Variants in GNA11 observed in about 807,000 individuals in gnomAD.
The protein encoded by GNA11 is G protein subunit alpha 11.
A neutral mutation model predicts 38.2 loss-of-function variants in GNA11; 8 were observed. The observed-to-expected ratio is 0.21, with a 90% confidence interval of 0.12 to 0.38. The LOEUF (loss-of-function observed/expected upper bound fraction) is 0.38. Ranked by LOEUF, GNA11 falls within the 10% of genes least tolerant of loss-of-function variation. The probability of loss-of-function intolerance (pLI) is 1.00; values close to 1 mark genes in which losing one functional copy is unlikely to be tolerated. For synonymous variants in GNA11, 211 were observed against 221.4 expected, an observed-to-expected ratio of 0.95 and a Z score of 0.42; for missense variants, 268 against 516.3, an observed-to-expected ratio of 0.52 and a Z score of 4.66.
chr19:3,111,564 C>T (rs188287176), intron 2 of GNA11, among the ~76,000 whole-genome samples: 1 of 152,100 alleles, frequency 6.6e-6, no homozygotes, highest in Non-Finnish European at 1.5e-5. Flanking sequence ...CCATTTATCC[C>T]CTGGAGGACA....
At chr19:3,097,759 A>T (rs1913409000) in intron 1 of GNA11, among the ~76,000 whole-genome samples, 1 of 152,104 alleles carries the variant, frequency 6.6e-6, no homozygotes, top group South Asian at 2.1e-4. Flanking sequence ...TTCACGCCTC[A>T]GATGGGCCTC....
Position 3,121,048 on chromosome 19 carries a change from A to C in GNA11, c.949A>C (p.Asn317His). The change falls in exon 7 of 7, where the codon AAC becomes CAC. Residue 317 changes from asparagine (N) to histidine (H), a missense_variant. Physicochemically the swap from Asn to His is moderately conservative, Grantham distance 68 (BLOSUM62 1). Coordinates refer to ENST00000078429, the MANE Select transcript of GNA11 (RefSeq NM_002067.5). ...EFILKMFVDL[N>H]PDSDKIIYSH... ...CATCCTGAAGATGTTCGTGGACCTG[A>C]ACCCCGACAGCGACAAGATCATCTA... 1 of 1,613,748 alleles carries C rather than the reference A, an allele frequency of 6.2e-7. No homozygotes were observed. Among genetic ancestry groups the C allele is most frequent in the Non-Finnish European group, 8.5e-7 (1 of 1,179,848 alleles).
chr19:3,101,303 G>T (rs1913498618), intron 1 of GNA11, among the ~76,000 whole-genome samples: 1 of 152,168 alleles, frequency 6.6e-6, no homozygotes, highest in South Asian at 2.1e-4. Flanking sequence ...TCTGTTGCCT[G>T]TCTTAATCCC....
chr19:3,096,707 AC>A (rs138095276), intron 1 of GNA11, among the ~76,000 whole-genome samples: 1 of 150,532 alleles, frequency 6.6e-6, no homozygotes, highest in Non-Finnish European at 1.5e-5. Flanking sequence ...CTGCAGTCCC[AC>A]CCCCTCCCAC....
intron 1 of GNA11, among the ~76,000 whole-genome samples, chr19:3,103,012 G>A (rs1402284868): frequency 1.3e-5 from 2 of 152,088 alleles, no homozygotes; most frequent in African/African-American, 2.4e-5. Context: ...TGGCCTCCCC[G>A]CAGCCTGGTG....
At chr19:3,114,708 T>A (rs1464257740) in intron 3 of GNA11, among the ~76,000 whole-genome samples, 1 of 152,076 alleles carries the variant, frequency 6.6e-6, no homozygotes, top group Non-Finnish European at 1.5e-5. Flanking sequence ...TTGTGCTGGG[T>A]CATTTCTGTC....
chr19:3,099,446 G>C (rs1157292012), intron 1 of GNA11, among the ~76,000 whole-genome samples: 1 of 152,172 alleles, frequency 6.6e-6, no homozygotes, highest in Non-Finnish European at 1.5e-5. Flanking sequence ...AAGTCCTTTC[G>C]CAGAACCGGG....
At chr19:3,114,638 C>T (rs1458778734) in intron 3 of GNA11, among the ~76,000 whole-genome samples, 10 of 152,196 alleles carry the variant, frequency 6.6e-5, no homozygotes, top group African/African-American at 2.4e-4. Flanking sequence ...GTGGCCGTCT[C>T]TGGACAGCTC....
intron 1 of GNA11, among the ~76,000 whole-genome samples, chr19:3,104,829 G>C (rs1385603115): frequency 1.3e-5 from 2 of 152,230 alleles, no homozygotes; most frequent in African/African-American, 4.8e-5. Context: ...CCTGTGCTGT[G>C]GGGGTGCTGG....
Position 3,121,681 on chromosome 19 carries a change from G to A in GNA11, c.*502G>A, listed in dbSNP as rs919088842. 6 of 232,680 alleles carry A rather than the reference G, an allele frequency of 2.6e-5. No homozygotes were observed. The highest frequency in any genetic ancestry group is 3.4e-5 in the Non-Finnish European group (4 of 117,874). The allele number at this position is 232,680 out of a possible 1,614,324, so 14.4% of individuals were successfully genotyped here. A position where few individuals can be genotyped will look rare whatever the true frequency, so the allele number is the denominator to read the frequency against. ...GCTTCTTTTCTTCATCACAAAAGGC[G>A]TGGAGACTCGGAGACGGACGTTTTT... On this transcript the variant is annotated 3_prime_UTR_variant, in exon 7 of 7. Coordinates refer to ENST00000078429, the MANE Select transcript of GNA11 (RefSeq NM_002067.5).
chr19:3,098,650 A>G (rs1913430435), intron 1 of GNA11, among the ~76,000 whole-genome samples: 1 of 152,186 alleles, frequency 6.6e-6, no homozygotes, highest in Non-Finnish European at 1.5e-5. Context: ...GGGCAGTGAC[A>G]AGGCCCGGGA....
chr19:3,121,231 C>T lies in GNA11; in HGVS notation c.*52C>T. On this transcript the variant is annotated 3_prime_UTR_variant, in exon 7 of 7. Coordinates refer to ENST00000078429, the MANE Select transcript of GNA11 (RefSeq NM_002067.5). Reference sequence around the variant, plus strand: ...GAGACACGGGGCAGGACCTTCCTTCCACGGAGCCTGCGGCTGCCGGGCGGG... The same window carrying T: ...GAGACACGGGGCAGGACCTTCCTTCTACGGAGCCTGCGGCTGCCGGGCGGG... 4 of 1,449,246 alleles carry T rather than the reference C, an allele frequency of 2.8e-6. No homozygotes were observed. The highest frequency in any genetic ancestry group is 3.8e-6 in the Non-Finnish European group (4 of 1,049,126). 89.8% of individuals were successfully genotyped at this position (1,449,246 alleles called of 1,614,324 possible). A position where few individuals can be genotyped will look rare whatever the true frequency, so the allele number is the denominator to read the frequency against.
In GNA11 at chr19:3,123,197, G is replaced by C. The variant is rs1474242958; in HGVS notation, c.*2018G>C. 4.3e-6 allele frequency: 1 copy of C among 233,260 alleles called. No homozygotes were observed. The highest frequency in any genetic ancestry group is 8.5e-6 in the Non-Finnish European group (1 of 118,150). 14.4% of individuals were successfully genotyped at this position (233,260 alleles called of 1,614,324 possible). ...AGATTGCACAAGGTGACCTGGCCGT[G>C]GCCTGAGGGTGGAGTCGCCCAGCAC... On this transcript the variant is annotated 3_prime_UTR_variant, in exon 7 of 7. Transcript: ENST00000078429.
chr19:3,097,503 C>T (rs909941269), intron 1 of GNA11, among the ~76,000 whole-genome samples: 7 of 152,184 alleles, frequency 4.6e-5, no homozygotes, highest in Non-Finnish European at 1.0e-4. Flanking sequence ...TCTGGGGCAG[C>T]AGGGCTCCAG....
rs185263474 is a variant in GNA11 at position 3,113,826 on chromosome 19, C to T, written c.476+342C>T. On this transcript the variant is annotated intron_variant, in intron 3 of 6. Coordinates refer to ENST00000078429, the MANE Select transcript of GNA11 (RefSeq NM_002067.5). ...GAAACCCAGGGTCTCCTAGGAGGGC[C>T]GTGGGATGGGAGGTAGACACAACCT... Among the ~76,000 whole-genome samples, 25 of 152,282 alleles carry T rather than the reference C, an allele frequency of 1.6e-4. No individual in the cohort carries two copies. In the East Asian group the frequency reaches 4.1e-3, roughly 25 times the overall value.
chr19:3,112,062 C>T (rs940634273), intron 2 of GNA11, among the ~76,000 whole-genome samples: 5 of 151,980 alleles, frequency 3.3e-5, no homozygotes, highest in African/African-American at 1.2e-4. Context: ...ATACCCATTT[C>T]TGCCATGTTG....
At chr19:3,116,068 C>T (rs8105628) in intron 4 of GNA11, among the ~76,000 whole-genome samples, 7,481 of 151,996 alleles carry the variant, frequency 0.049, 399 homozygotes, top group African/African-American at 0.14. Context: ...TCTTCACGGG[C>T]TGCCCCTGCG....
At position 3,122,362 on chromosome 19, in the gene GNA11, C is replaced by T. The variant is rs916664865; in HGVS notation, c.*1183C>T. 6 of 231,890 alleles carry T rather than the reference C, an allele frequency of 2.6e-5. No homozygotes were observed. The highest frequency in any genetic ancestry group is 1.3e-4 in the African/African-American group (6 of 45,230). 14.4% of individuals were successfully genotyped at this position (231,890 alleles called of 1,614,324 possible). A position where few individuals can be genotyped will look rare whatever the true frequency, so the allele number is the denominator to read the frequency against. Reference sequence around the variant, plus strand: ...GGGAAGCCAGCACTCGCACTTTGGCCAGGGGCGCGTGGAAGGTGGTGGCAG... The same window carrying T: ...GGGAAGCCAGCACTCGCACTTTGGCTAGGGGCGCGTGGAAGGTGGTGGCAG... On this transcript the variant is annotated 3_prime_UTR_variant, in exon 7 of 7. Coordinates refer to ENST00000078429, the MANE Select transcript of GNA11 (RefSeq NM_002067.5). This position sits in a 1 kb window ranked among gnomAD's most constrained non-coding sequence, Gnocchi z 7.7.
intron 1 of GNA11, among the ~76,000 whole-genome samples, chr19:3,106,281 T>C (rs1244975058): frequency 2.0e-5 from 3 of 152,132 alleles, no homozygotes; most frequent in Admixed American, 6.5e-5. Context: ...GTCCACTGTG[T>C]GTGGACCCCT....
Sources: gnomAD v4.1 joint callset for allele counts (sites outside exome capture counted in the v4.1 genomes callset) on GRCh38, gnomAD v4.1.1 for gene constraint, Gnocchi (gnomAD v3.1) non-coding constraint, MANE v1.5 for transcripts, NCBI Gene and HGNC (gene_info 2026-07-23, HGNC 2026-07-21) for gene names.